Variants in GRIN2B observed in about 807,000 individuals in gnomAD.
GRIN2B encodes the protein glutamate ionotropic receptor NMDA type subunit 2B, also known as glutamate receptor ionotropic, NMDA 2B.
Under a neutral mutation model 114.5 loss-of-function variants are expected in GRIN2B, and 5 were observed. The ratio of observed to expected loss-of-function variants is 0.04; its 90% confidence interval spans 0.02 to 0.09. The LOEUF (loss-of-function observed/expected upper bound fraction) is 0.09, where lower values mean the gene tolerates loss of function less well. Ranked by LOEUF, GRIN2B falls within the 10% of genes least tolerant of loss-of-function variation. The pLI is 1.00. For synonymous variants in GRIN2B, 787 were observed against 745.1 expected, an observed-to-expected ratio of 1.06 and a Z score of -0.92; for missense variants, 1,108 against 1,943.5, an observed-to-expected ratio of 0.57 and a Z score of 8.08.
Position 13,757,676 on chromosome 12 carries a change from A to G in GRIN2B, c.412-3761T>C, listed in dbSNP as rs554169560. Among the ~76,000 whole-genome samples, 3 of 152,314 alleles carry G rather than the reference A, an allele frequency of 2.0e-5. No individual in the cohort carries two copies. In the South Asian group the frequency reaches 6.2e-4, roughly 32 times the overall value. On this transcript the variant is annotated intron_variant, in intron 3 of 13. Coordinates refer to ENST00000609686, the MANE Select transcript of GRIN2B (RefSeq NM_000834.5). ...TCCTTCTTCAACTCACCTCAAGAGC[A>G]TCTTTAACATATTCCTATATAAAGG...
At chr12:13,565,471 G>A (rs1423961615) in intron 13 of GRIN2B, among the ~76,000 whole-genome samples, 1 of 151,968 alleles carries the variant, frequency 6.6e-6, no homozygotes, top group Non-Finnish European at 1.5e-5. Context: ...AATTAGTATT[G>A]ATCGAGAGCT....
intron 2 of GRIN2B, among the ~76,000 whole-genome samples, chr12:13,944,983 A>G (rs1439121169): frequency 6.6e-6 from 1 of 152,190 alleles, no homozygotes; most frequent in African/African-American, 2.4e-5. Context: ...AATTTGTATG[A>G]TTCCAGTAAA....
intron 10 of GRIN2B, among the ~76,000 whole-genome samples, chr12:13,592,318 T>C (rs1349064859): frequency 6.6e-6 from 1 of 152,124 alleles, no homozygotes; most frequent in Non-Finnish European, 1.5e-5. Flanking sequence ...ACCACAAACA[T>C]CCTGTTCCCA....
chr12:13,571,655 T>C, intron 11 of GRIN2B, 149 bp downstream of exon 11: 2 of 828,146 alleles, frequency 2.4e-6, no homozygotes, highest in Non-Finnish European at 4.1e-6. Flanking sequence ...TACGATCAAA[T>C]TTAACTTGGA....
rs1474303471 is a variant in GRIN2B at position 13,564,298 on chromosome 12, C to G, written c.2940G>C (p.Val980=). The part of the protein sequence containing the change: ...FGNLQLKDSN[V]YQDHYHHHHR... ...GGTGATGGTGGTAGTGATCTTGGTACACGTTGCTGTCCTTCAGCTGCAGGT... is the reference window on the plus strand; with the variant it reads ...GGTGATGGTGGTAGTGATCTTGGTAGACGTTGCTGTCCTTCAGCTGCAGGT... Residue 980 remains valine (V), a synonymous_variant, in exon 14 of 14, where the codon GTG becomes GTC. Transcript: ENST00000609686. The surrounding 1 kb of genome is among the most constrained non-coding windows in gnomAD (Gnocchi z 4.8). The G allele has an allele frequency of 1.2e-6, 2 of 1,614,178 alleles. No homozygotes were observed. The highest frequency in any genetic ancestry group is 1.7e-6 in the Non-Finnish European group (2 of 1,180,034).
intron 3 of GRIN2B, among the ~76,000 whole-genome samples, chr12:13,826,579 ATT>A (rs1865039846): frequency 6.6e-6 from 1 of 151,838 alleles, no homozygotes; most frequent in Middle Eastern, 3.2e-3. Flanking sequence ...TGTTTTTAAT[ATT>A]TTTCTCTTTA....
intron 2 of GRIN2B, among the ~76,000 whole-genome samples, chr12:13,927,189 T>G (rs112482139): frequency 3.9e-5 from 6 of 152,152 alleles, no homozygotes; most frequent in Non-Finnish European, 8.8e-5. Flanking sequence ...CAAGATATGA[T>G]AGCGATACAA....
At chr12:13,840,791 G>T (rs575731528) in intron 3 of GRIN2B, among the ~76,000 whole-genome samples, 1 of 151,862 alleles carries the variant, frequency 6.6e-6, no homozygotes, top group Non-Finnish European at 1.5e-5. Flanking sequence ...TACATTCTCT[G>T]AGTTTTTTGT....
In GRIN2B at chr12:13,893,075, T is replaced by C. The variant is rs956349842; in HGVS notation, c.-18-26849A>G. Among the ~76,000 whole-genome samples, 5 of 152,186 alleles carry C rather than the reference T, an allele frequency of 3.3e-5. No individual in the cohort carries two copies. The South Asian group carries it at 8.3e-4, about 25-fold the overall frequency. On this transcript the variant is annotated intron_variant, in intron 2 of 13. Transcript: ENST00000609686. ...CTCTAGATTTTGTTCAGTATTCAAA[T>C]TGACTTGCTTAGCATTGATCAATGA... is the stretch of plus-strand genomic sequence containing the variant.
intron 10 of GRIN2B, among the ~76,000 whole-genome samples, chr12:13,573,508 CTT>C (rs1468590960): frequency 1.4e-5 from 2 of 138,708 alleles, no homozygotes; most frequent in African/African-American, 2.8e-5. Context: ...TAAATGTTCT[CTT>C]ATATTATTTT....
chr12:13,644,046 C>A (rs1442531078), intron 5 of GRIN2B, among the ~76,000 whole-genome samples: 1 of 152,114 alleles, frequency 6.6e-6, no homozygotes, highest in Non-Finnish European at 1.5e-5. Flanking sequence ...CCATGAATCA[C>A]GAATGTTCTT....
chr12:13,676,729 C>G (rs955547429), intron 4 of GRIN2B, among the ~76,000 whole-genome samples: 14 of 152,112 alleles, frequency 9.2e-5, no homozygotes, highest in African/African-American at 9.7e-5. Context: ...TACTCTTTAA[C>G]TCTTGCTAAG....
At chr12:13,927,978 A>AAAAAAAAAG (rs1866948012) in intron 2 of GRIN2B, among the ~76,000 whole-genome samples, 1 of 149,064 alleles carries the variant, frequency 6.7e-6, no homozygotes, top group Non-Finnish European at 1.5e-5. Context: ...AAAAAAAAAA[A>AAAAAAAAAG]AAAAGGGGGG....
At chr12:13,934,085 C>A (rs1867086063) in intron 2 of GRIN2B, among the ~76,000 whole-genome samples, 1 of 152,150 alleles carries the variant, frequency 6.6e-6, no homozygotes, top group Non-Finnish European at 1.5e-5. Flanking sequence ...TAGCATTTAG[C>A]CTAGTGCTAA....
intron 3 of GRIN2B, among the ~76,000 whole-genome samples, chr12:13,836,120 T>C (rs950955511): frequency 1.3e-5 from 2 of 152,208 alleles, no homozygotes; most frequent in African/African-American, 2.4e-5. Context: ...TTAACCTGTA[T>C]CTTCAGAAAG....
chr12:13,601,045 G>A (rs962635056), intron 10 of GRIN2B, among the ~76,000 whole-genome samples: 2 of 152,188 alleles, frequency 1.3e-5, no homozygotes. Flanking sequence ...TGAAAGGATG[G>A]GGCTGGGAGA....
intron 3 of GRIN2B, among the ~76,000 whole-genome samples, chr12:13,844,227 G>A (rs1238718924): frequency 6.6e-6 from 1 of 152,134 alleles, no homozygotes; most frequent in Non-Finnish European, 1.5e-5. Flanking sequence ...TGGCTTGAAT[G>A]GTTTTGCCTT....
Position 13,729,578 on chromosome 12 carries a change from G to A in GRIN2B, c.1010+23739C>T, listed in dbSNP as rs143929822. Among the ~76,000 whole-genome samples the A allele has an allele frequency of 3.6e-3, 554 of 152,130 alleles. 2 individuals are homozygous for A. Among genetic ancestry groups the A allele is most frequent in the Middle Eastern group, 6.8e-3 (2 of 294 alleles). On this transcript the variant is annotated intron_variant, in intron 4 of 13. Coordinates refer to ENST00000609686, the MANE Select transcript of GRIN2B (RefSeq NM_000834.5). ...GAATGGAGCCAAATGAATCACCAGA[G>A]GAAAGAGAATCACTGGAGAAGTGCA...
intron 2 of GRIN2B, among the ~76,000 whole-genome samples, chr12:13,941,450 T>C (rs1363522253): frequency 6.6e-6 from 1 of 152,130 alleles, no homozygotes; most frequent in African/African-American, 2.4e-5. Flanking sequence ...AAAATCACAA[T>C]GATGCTCTGA....
Sources: gnomAD v4.1 joint callset for allele counts (sites outside exome capture counted in the v4.1 genomes callset) on GRCh38, gnomAD v4.1.1 for gene constraint, Gnocchi (gnomAD v3.1) non-coding constraint, MANE v1.5 for transcripts, NCBI Gene and HGNC (gene_info 2026-07-23, HGNC 2026-07-21) for gene names.